TBC1D19: variants seen among roughly 807,000 people sequenced by gnomAD.
TBC1D19 encodes TBC1 domain family, member 19.
TBC1D19 carries 60 observed loss-of-function variants against 89.0 expected under a neutral mutation model. The observed-to-expected ratio is 0.67, with a 90% confidence interval of 0.55 to 0.84. The LOEUF (loss-of-function observed/expected upper bound fraction) is 0.84, where lower values mean the gene tolerates loss of function less well. Ranked by LOEUF, TBC1D19 falls within the 40% of genes least tolerant of loss-of-function variation. TBC1D19 has a pLI of 0.00. For synonymous variants in TBC1D19, 189 were observed against 199.7 expected, an observed-to-expected ratio of 0.95 and a Z score of 0.45; for missense variants, 500 against 610.8, an observed-to-expected ratio of 0.82 and a Z score of 1.91.
intron 20 of TBC1D19, 29 bp downstream of exon 20, chr4:26,753,919 G>A: frequency 6.2e-7 from 1 of 1,611,356 alleles, no homozygotes; most frequent in Non-Finnish European, 8.5e-7. Flanking sequence ...CAGATGGGAT[G>A]GAAATAGTTT....
At chr4:26,767,450 G>A in the TBC1D19 span, among the ~76,000 whole-genome samples, 1 of 152,118 alleles carries the variant, frequency 6.6e-6, no homozygotes. Flanking sequence ...ATATGTTGAA[G>A]CCCTAACCTC....
At chr4:26,674,872 A>G (rs1341212220) in intron 11 of TBC1D19, among the ~76,000 whole-genome samples, 1 of 151,988 alleles carries the variant, frequency 6.6e-6, no homozygotes, top group African/African-American at 2.4e-5. Context: ...AAGAAAATCA[A>G]ATATTATTAA....
At chr4:26,638,701 T>C (rs1743294987) in intron 5 of TBC1D19, 70 bp from the exon 6 acceptor site, 1 of 1,183,620 alleles carries the variant, frequency 8.4e-7, no homozygotes, top group Admixed American at 2.1e-5. Flanking sequence ...AGTTATTGAT[T>C]CTTGTTTTTA....
intron 5 of TBC1D19, 75 bp from the exon 6 acceptor site, chr4:26,638,696 T>C: frequency 1.8e-6 from 2 of 1,137,152 alleles, no homozygotes; most frequent in South Asian, 1.4e-5. Context: ...AAATAAGTTA[T>C]TGATTCTTGT....
In TBC1D19 at chr4:26,683,762, CAGCTT is replaced by C. The variant is rs1273201371; in HGVS notation, c.891+16_891+20del. 6.3e-7 allele frequency: 1 copy of C among 1,599,174 alleles called. No individual in the cohort carries two copies. The highest frequency in any genetic ancestry group is 1.8e-5 in the Admixed American group (1 of 57,134). On this transcript the variant is annotated intron_variant, in intron 12 of 20. Transcript: ENST00000264866. ...TCTAATCTATAAAGTAAGTAAAAGT[CAGCTT>C]AGTTTTTCCTTTTCATTAATATAAT...
the TBC1D19 span, among the ~76,000 whole-genome samples, chr4:26,767,835 T>C: frequency 6.6e-6 from 1 of 152,154 alleles, no homozygotes; most frequent in Non-Finnish European, 1.5e-5. Context: ...TACAAAATAA[T>C]AGTTCTCAAG....
At chr4:26,815,096 A>G in the TBC1D19 span, among the ~76,000 whole-genome samples, 4 of 152,128 alleles carry the variant, frequency 2.6e-5, no homozygotes, top group Admixed American at 2.0e-4. Flanking sequence ...AATAACAACT[A>G]TATCACTCAT....
chr4:26,685,076 G>A (rs1289544873), intron 12 of TBC1D19, among the ~76,000 whole-genome samples: 1 of 152,170 alleles, frequency 6.6e-6, no homozygotes, highest in Non-Finnish European at 1.5e-5. Context: ...AATCATTGGT[G>A]GCCTGGGAGA....
At chr4:26,740,720 G>A in intron 17 of TBC1D19, 1 of 985,188 alleles carries the variant, frequency 1.0e-6, no homozygotes, top group South Asian at 4.7e-5. Flanking sequence ...TGGGTAACAT[G>A]ACTGCTACTC....
chr4:26,621,537 A>AT (rs1742048888), intron 4 of TBC1D19, among the ~76,000 whole-genome samples: 1 of 152,170 alleles, frequency 6.6e-6, no homozygotes, highest in African/African-American at 2.4e-5. Context: ...AGTTATCATC[A>AT]TGGTTCTTCT....
At chr4:26,812,536 T>A in the TBC1D19 span, among the ~76,000 whole-genome samples, 2 of 152,254 alleles carry the variant, frequency 1.3e-5, no homozygotes, top group East Asian at 3.9e-4. This position sits in a 1 kb window ranked among gnomAD's most constrained non-coding sequence, Gnocchi z 4.2. Flanking sequence ...TTTATTAACA[T>A]AGCAGTCAAT....
downstream of TBC1D19, among the ~76,000 whole-genome samples, chr4:26,756,390 T>C (rs1386194769): frequency 1.3e-5 from 2 of 152,190 alleles, no homozygotes; most frequent in African/African-American, 2.4e-5. Flanking sequence ...ATGCCCATCT[T>C]TGGCTTTTTT....
At chr4:26,855,409 C>T in the TBC1D19 span, among the ~76,000 whole-genome samples, 2 of 152,310 alleles carry the variant, frequency 1.3e-5, no homozygotes, top group South Asian at 2.1e-4. Flanking sequence ...TAATAGCTAA[C>T]TATGCACCAG....
At chr4:26,796,359 G>C in the TBC1D19 span, among the ~76,000 whole-genome samples, 3 of 152,120 alleles carry the variant, frequency 2.0e-5, no homozygotes, top group Admixed American at 1.3e-4. Flanking sequence ...CTAAACTTTT[G>C]GATTGCTGCT....
At chr4:26,692,623 A>G (rs1481342758) in intron 13 of TBC1D19, among the ~76,000 whole-genome samples, 1 of 152,240 alleles carries the variant, frequency 6.6e-6, no homozygotes, top group Non-Finnish European at 1.5e-5. Context: ...TATGGAGTAT[A>G]GGAAAGTTCC....
intron 4 of TBC1D19, among the ~76,000 whole-genome samples, chr4:26,626,882 TA>T (rs1742446531): frequency 1.3e-5 from 2 of 149,654 alleles, no homozygotes; most frequent in Admixed American, 6.6e-5. Flanking sequence ...TTTTATTTTT[TA>T]TTTTTTTATT....
Position 26,754,932 on chromosome 4 carries a change from T to C in TBC1D19, c.1566T>C (p.Phe522=), listed in dbSNP as rs1719184933. ...TGCCTCTTCTTCAGATTTTTCTGTT[T>C]GCTACTGTCACCTGATCTTCTTCAC... ...KVMPLLQIFL[F]ATVT is the part of the protein sequence containing the mutation. The change falls in exon 21 of 21, where the codon TTT becomes TTC. Residue 522 remains phenylalanine (F), a synonymous_variant. Coordinates refer to ENST00000264866, the MANE Select transcript of TBC1D19 (RefSeq NM_018317.4). 1 of 1,607,078 alleles carries C rather than the reference T, an allele frequency of 6.2e-7. No homozygotes were observed.
intron 7 of TBC1D19, among the ~76,000 whole-genome samples, chr4:26,645,862 G>A (rs1337249858): frequency 2.6e-5 from 4 of 151,874 alleles, no homozygotes; most frequent in African/African-American, 7.3e-5. Flanking sequence ...GGTGGCTCAC[G>A]CCTGTAATCC....
At chr4:26,827,723 T>TG in the TBC1D19 span, among the ~76,000 whole-genome samples, 2 of 151,432 alleles carry the variant, frequency 1.3e-5, no homozygotes, top group African/African-American at 2.4e-5. Context: ...TTTTGTTTTT[T>TG]TTTTTTTGAT....
Sources: allele counts gnomAD v4.1 joint callset (sites outside exome capture counted in the v4.1 genomes callset), GRCh38; gene constraint gnomAD v4.1.1; non-coding constraint Gnocchi (gnomAD v3.1); transcripts MANE v1.5; gene names NCBI Gene and HGNC (gene_info 2026-07-23, HGNC 2026-07-21).